Variants in PLD5 observed in about 807,000 individuals in gnomAD.
The protein encoded by PLD5 is inactive phospholipase D5.
In PLD5, 36 loss-of-function variants were observed where a neutral mutation model predicts 61.1. The observed-to-expected ratio is 0.59, with a 90% CI of 0.45 to 0.78. The LOEUF (loss-of-function observed/expected upper bound fraction) is 0.78. Ranked by LOEUF, PLD5 falls within the 30% of genes least tolerant of loss-of-function variation. The pLI is 0.00. For missense variants in PLD5, 515 were observed against 644.4 expected, an observed-to-expected ratio of 0.80 and a Z score of 2.17; for synonymous variants, 243 against 242.8, an observed-to-expected ratio of 1.00 and a Z score of -0.01.
At chr1:242,442,833 T>C (rs1055782880) in intron 1 of PLD5, among the ~76,000 whole-genome samples, 2 of 152,244 alleles carry the variant, frequency 1.3e-5, no homozygotes, top group Non-Finnish European at 2.9e-5. Flanking sequence ...TATTTGTTCA[T>C]GCACTTTCAC....
At chr1:242,190,656 G>A (rs1192639939) in intron 5 of PLD5, among the ~76,000 whole-genome samples, 2 of 151,804 alleles carry the variant, frequency 1.3e-5, no homozygotes, top group African/African-American at 4.8e-5. Context: ...CCGAGGTAGG[G>A]GGATCGCTTG....
chr1:242,204,276 C>T (rs1166172670), intron 5 of PLD5, among the ~76,000 whole-genome samples: 1 of 152,046 alleles, frequency 6.6e-6, no homozygotes, highest in Non-Finnish European at 1.5e-5. Flanking sequence ...CACTATCTTC[C>T]AGATTTATTC....
At position 242,144,191 on chromosome 1, in the gene PLD5, ATAT is replaced by A. The variant is rs1664386201; in HGVS notation, c.736-19529_736-19527del. On this transcript the variant is annotated intron_variant, in intron 5 of 9. Transcript: ENST00000536534. ...GCCTCAAATTTTATTTTTTTAAAAA[ATAT>A]TATTAAACAAACCAAAATTTCTGCA... Among the ~76,000 whole-genome samples, 6 of 123,850 alleles carry A rather than the reference ATAT, an allele frequency of 4.8e-5. No individual in the cohort carries two copies. The South Asian group carries it at 1.9e-3, about 38-fold the overall frequency. The allele number at this position is 123,850 out of a possible 152,430, so 81.3% of individuals were successfully genotyped here. A position where few individuals can be genotyped will look rare whatever the true frequency, so the allele number is the denominator to read the frequency against.
intron 1 of PLD5, among the ~76,000 whole-genome samples, chr1:242,386,536 G>C (rs1213926560): frequency 1.3e-5 from 2 of 152,076 alleles, no homozygotes; most frequent in Non-Finnish European, 2.9e-5. Context: ...TTACAGGAAG[G>C]AGAAACAAGG....
chr1:242,108,953 C>T (rs752829884), intron 7 of PLD5, among the ~76,000 whole-genome samples: 2 of 152,198 alleles, frequency 1.3e-5, no homozygotes, highest in Non-Finnish European at 2.9e-5. Context: ...CAGTTCTGAT[C>T]ACTTGAAAGA....
At chr1:242,143,319 C>T (rs150488398) in intron 5 of PLD5, among the ~76,000 whole-genome samples, 1 of 152,112 alleles carries the variant, frequency 6.6e-6, no homozygotes, top group Non-Finnish European at 1.5e-5. Context: ...TCTCAAAGTG[C>T]TGGGATTACA....
At chr1:242,467,350 A>G (rs2134686) in intron 1 of PLD5, among the ~76,000 whole-genome samples, 98,014 of 152,068 alleles carry the variant, frequency 0.64, 32,596 homozygotes, top group African/African-American at 0.8. Flanking sequence ...ACACTTGTCA[A>G]TTCTGGATAT....
At chr1:242,104,031 TACAA>T (rs994709181) in intron 8 of PLD5, among the ~76,000 whole-genome samples, 9 of 152,232 alleles carry the variant, frequency 5.9e-5, no homozygotes, top group African/African-American at 1.7e-4. Flanking sequence ...ATGAATGAGT[TACAA>T]ACATTTTATC....
At chr1:242,090,141 A>G in intron 9 of PLD5, 31 bp from the exon 10 acceptor site, 1 of 1,611,824 alleles carries the variant, frequency 6.2e-7, no homozygotes, top group Non-Finnish European at 8.5e-7. Context: ...AATGTTGAGG[A>G]GTTAGAGTCC....
intron 1 of PLD5, among the ~76,000 whole-genome samples, chr1:242,488,910 ACT>A (rs1168265188): frequency 4.1e-4 from 63 of 152,122 alleles, no homozygotes. Context: ...AAAAGTAAAG[ACT>A]CTTTTTTAAA....
chr1:242,274,176 A>G (rs1296783581), intron 3 of PLD5, among the ~76,000 whole-genome samples: 1 of 152,254 alleles, frequency 6.6e-6, no homozygotes, highest in Non-Finnish European at 1.5e-5. Flanking sequence ...AAGATACTAC[A>G]AAGTTAATAA....
chr1:242,172,309 A>C (rs979989414), intron 5 of PLD5, among the ~76,000 whole-genome samples: 2 of 152,234 alleles, frequency 1.3e-5, no homozygotes, highest in Admixed American at 1.3e-4. Flanking sequence ...GGCAGAAATA[A>C]AGATGTTCTT....
At chr1:242,309,193 A>G (rs1232227064) in intron 2 of PLD5, among the ~76,000 whole-genome samples, 4 of 152,240 alleles carry the variant, frequency 2.6e-5, no homozygotes, top group East Asian at 3.9e-4. Flanking sequence ...GAACACAGTC[A>G]TGGCTTCTTA....
intron 1 of PLD5, among the ~76,000 whole-genome samples, chr1:242,514,663 G>A (rs145930499): frequency 2.6e-5 from 4 of 152,218 alleles, no homozygotes; most frequent in East Asian, 1.9e-4. Flanking sequence ...AAATATAGAT[G>A]TTCTACTAAA....
At chr1:242,396,668 C>CTTTCTTTTTTTTTTTT (rs1479365427) in intron 1 of PLD5, among the ~76,000 whole-genome samples, 3 of 125,150 alleles carry the variant, frequency 2.4e-5, no homozygotes, top group African/African-American at 3.9e-5. Flanking sequence ...TCTTTCTTTT[C>CTTTCTTTTTTTTTTTT]TTTTCTTTTT....
intron 1 of PLD5, among the ~76,000 whole-genome samples, chr1:242,516,955 A>C (rs1669123533): frequency 6.6e-6 from 1 of 152,256 alleles, no homozygotes; most frequent in Non-Finnish European, 1.5e-5. Context: ...ATTCCTAAGT[A>C]TTTGACATAT....
At chr1:242,279,559 G>A (rs1362263740) in intron 3 of PLD5, among the ~76,000 whole-genome samples, 1 of 151,332 alleles carries the variant, frequency 6.6e-6, no homozygotes, top group Non-Finnish European at 1.5e-5. Context: ...TTTCGAGACC[G>A]AGTCTTGCTG....
At chr1:242,123,154 C>T (rs926308926) in intron 6 of PLD5, among the ~76,000 whole-genome samples, 19 of 152,166 alleles carry the variant, frequency 1.2e-4, no homozygotes, top group South Asian at 4.2e-4. Flanking sequence ...TTAATGACGC[C>T]GACAGGTTCT....
At chr1:242,137,296 AC>A (rs1339086606) in intron 5 of PLD5, among the ~76,000 whole-genome samples, 1 of 151,872 alleles carries the variant, frequency 6.6e-6, no homozygotes, top group Non-Finnish European at 1.5e-5. Context: ...ATCCCCAGTA[AC>A]CCTTTATCTC....
Sources: gnomAD v4.1 joint callset for allele counts (sites outside exome capture counted in the v4.1 genomes callset) on GRCh38, gnomAD v4.1.1 for gene constraint, MANE v1.5 for transcripts, NCBI Gene and HGNC (gene_info 2026-07-23, HGNC 2026-07-21) for gene names.